The following ADAMTS19 variants were observed in gnomAD, a reference collection of about 807,000 sequenced individuals.
ADAMTS19 encodes ADAM metallopeptidase with thrombospondin type 1 motif 19, also known as A disintegrin and metalloproteinase with thrombospondin motifs 19.
A neutral mutation model predicts 153.3 loss-of-function variants in ADAMTS19; 93 were observed. That is an observed-to-expected ratio of 0.61 (90% confidence interval 0.51 to 0.72). ADAMTS19 has a LOEUF of 0.72. Among genes scored for constraint, ADAMTS19 ranks in the 30% least tolerant of loss-of-function variants. The pLI, the probability that ADAMTS19 is intolerant of heterozygous loss-of-function variation, is 0.00. For synonymous variants in ADAMTS19, 600 were observed against 556.6 expected, an observed-to-expected ratio of 1.08 and a Z score of -1.10; for missense variants, 1,482 against 1,552.1, an observed-to-expected ratio of 0.95 and a Z score of 0.76.
intron 15 of ADAMTS19, among the ~76,000 whole-genome samples, chr5:129,661,559 T>C (rs1388963884): frequency 1.3e-5 from 2 of 152,212 alleles, no homozygotes; most frequent in Non-Finnish European, 2.9e-5. Flanking sequence ...CAAACACACA[T>C]GGGTGTTTTC....
At chr5:129,484,940 C>T (rs957205557) in intron 2 of ADAMTS19, among the ~76,000 whole-genome samples, 1 of 152,108 alleles carries the variant, frequency 6.6e-6, no homozygotes, top group Non-Finnish European at 1.5e-5. Flanking sequence ...AATCTTTACT[C>T]ATCTCTCAGT....
chr5:129,737,120 A>G lies in ADAMTS19; in HGVS notation c.3544A>G (p.Ile1182Val), dbSNP rs939862002. ...TCAGTGGCCAGTGTACTGCCGAGTG[A>G]TACGTGAAAAGAACCTATGTCAGGA... ...GDQWPVYCRV[I>V]REKNLCQDMR... is the part of the protein sequence containing the mutation. The change falls in exon 23 of 23, where the codon ATA becomes GTA. Residue 1182 changes from isoleucine to valine, a missense_variant. By Grantham distance (29) the Ile-to-Val change is conservative (BLOSUM62 3). Coordinates refer to ENST00000274487, the MANE Select transcript of ADAMTS19 (RefSeq NM_133638.6). The G allele has an allele frequency of 1.4e-5, 23 of 1,610,918 alleles. No homozygotes were observed. The highest frequency in any genetic ancestry group is 1.9e-5 in the Non-Finnish European group (22 of 1,178,036).
At chr5:129,709,085 G>A (rs2127176353) in intron 21 of ADAMTS19, among the ~76,000 whole-genome samples, 1 of 152,174 alleles carries the variant, frequency 6.6e-6, no homozygotes, top group African/African-American at 2.4e-5. Context: ...ATGTTGTATT[G>A]AATAGGAGAG....
chr5:129,632,709 C>A (rs146280029), intron 10 of ADAMTS19, among the ~76,000 whole-genome samples: 3 of 151,970 alleles, frequency 2.0e-5, no homozygotes, highest in East Asian at 3.9e-4. Context: ...ATCTCAGAAA[C>A]CTTCCTCTAT....
Position 129,694,803 on chromosome 5 carries a change from A to G in ADAMTS19, c.2902A>G (p.Thr968Ala), listed in dbSNP as rs201362888. The G allele has an allele frequency of 2.4e-5, 38 of 1,607,212 alleles. No homozygotes were observed. The highest frequency in any genetic ancestry group is 3.1e-5 in the Non-Finnish European group (36 of 1,176,632). ...IVDNEKCKYL[T>A]KPEPQIRKCN... ...GGACAATGAGAAATGCAAATACTTA[A>G]CCAAGCCAGAGCCACAGATTCGAAA... Residue 968 changes from threonine to alanine, a missense_variant, in exon 19 of 23, where the codon ACC (threonine) becomes GCC (alanine). Physicochemically the swap from Thr to Ala is moderately conservative, Grantham distance 58. Transcript: ENST00000274487.
intron 18 of ADAMTS19, among the ~76,000 whole-genome samples, chr5:129,691,136 G>A (rs760815063): frequency 1.3e-4 from 20 of 152,058 alleles, no homozygotes; most frequent in South Asian, 2.1e-4. Context: ...TGGAAAAGGC[G>A]GCTCACTTAA....
intron 20 of ADAMTS19, among the ~76,000 whole-genome samples, chr5:129,702,934 AAAAAAAAATATATATATATAT>A (rs1561658603): frequency 1.6e-5 from 2 of 122,924 alleles, no homozygotes; most frequent in Admixed American, 8.2e-5. Flanking sequence ...CTTGCCAAAA[AAAAAAAAATATATATATATAT>A]ATATATATAT....
chr5:129,581,698 GTGT>G (rs2126886793), intron 7 of ADAMTS19, among the ~76,000 whole-genome samples: 1 of 152,178 alleles, frequency 6.6e-6, no homozygotes, highest in South Asian at 2.1e-4. Flanking sequence ...TGATGTTAGG[GTGT>G]TGTTGTTATA....
intron 7 of ADAMTS19, among the ~76,000 whole-genome samples, chr5:129,558,528 C>G (rs1753392171): frequency 1.3e-5 from 2 of 152,042 alleles, no homozygotes; most frequent in East Asian, 1.9e-4. Context: ...GAGATACACT[C>G]TACTCATGGT....
intron 21 of ADAMTS19, among the ~76,000 whole-genome samples, chr5:129,706,310 C>T (rs1365222278): frequency 6.6e-6 from 1 of 152,194 alleles, no homozygotes; most frequent in African/African-American, 2.4e-5. Flanking sequence ...TGGCTCACGC[C>T]TGTAATCCCA....
chr5:129,515,748 T>G (rs928323765), intron 3 of ADAMTS19, among the ~76,000 whole-genome samples: 6 of 152,056 alleles, frequency 3.9e-5, no homozygotes, highest in Non-Finnish European at 7.4e-5. Flanking sequence ...ATAATTTGAC[T>G]TCTTCCTTTC....
rs754594476 is a variant in ADAMTS19, at chr5:129,647,788, C to T, written c.1896C>T (p.Thr632=). 3 of 1,613,920 alleles carry T rather than the reference C, an allele frequency of 1.9e-6. No individual in the cohort carries two copies. In the South Asian group the frequency reaches 3.3e-5, roughly 18 times the overall value. The stretch of plus-strand genomic sequence containing the variant: ...AGTGGTGTAAGGCTGGAGAATGTAC[C>T]AGCAGGACCTCAGCACCTGAACATC... ...LGKWCKAGEC[T]SRTSAPEHLA... Residue 632 remains threonine (T), a synonymous_variant, in exon 12 of 23, where the codon ACC becomes ACT. Transcript: ENST00000274487.
intron 12 of ADAMTS19, among the ~76,000 whole-genome samples, chr5:129,648,251 G>A (rs1386463880): frequency 1.3e-5 from 2 of 152,136 alleles, no homozygotes; most frequent in South Asian, 2.1e-4. Context: ...ATTAATGACA[G>A]CAAAAGCTAA....
At chr5:129,509,459 A>T (rs1751365126) in intron 3 of ADAMTS19, among the ~76,000 whole-genome samples, 1 of 152,016 alleles carries the variant, frequency 6.6e-6, no homozygotes, top group African/African-American at 2.4e-5. Context: ...GACTTTAGAG[A>T]TGAACATATA....
At chr5:129,473,151 T>A (rs1462856664) in intron 2 of ADAMTS19, among the ~76,000 whole-genome samples, 1 of 151,568 alleles carries the variant, frequency 6.6e-6, no homozygotes, top group Non-Finnish European at 1.5e-5. Flanking sequence ...ATTCCAGGTA[T>A]TTGGATGTCA....
intron 14 of ADAMTS19, among the ~76,000 whole-genome samples, chr5:129,654,906 A>G (rs1361889048): frequency 1.3e-5 from 2 of 152,114 alleles, no homozygotes; most frequent in Admixed American, 6.5e-5. Context: ...TTTAATAAAC[A>G]TTTTATTTGC....
intron 2 of ADAMTS19, among the ~76,000 whole-genome samples, chr5:129,494,492 C>G (rs1354211980): frequency 6.6e-6 from 1 of 152,188 alleles, no homozygotes; most frequent in Non-Finnish European, 1.5e-5. Flanking sequence ...TCTACAGTCA[C>G]TTGGTAATCT....
At chr5:129,651,647 CAGTGTATGTCAGTTCCTCTAGGAAG>C (rs1753320685) in intron 13 of ADAMTS19, among the ~76,000 whole-genome samples, 1 of 152,128 alleles carries the variant, frequency 6.6e-6, no homozygotes, top group Non-Finnish European at 1.5e-5. Flanking sequence ...TTTTGGGGTT[CAGTGTATGTCAGTTCCTCTAGGAAG>C]AAAGAATCCC....
chr5:129,478,047 A>G (rs979059416), intron 2 of ADAMTS19, among the ~76,000 whole-genome samples: 1 of 152,196 alleles, frequency 6.6e-6, no homozygotes, highest in Non-Finnish European at 1.5e-5. Context: ...AATAATATAA[A>G]TGGTTATAAC....
Sources: allele counts gnomAD v4.1 joint callset (sites outside exome capture counted in the v4.1 genomes callset), GRCh38; gene constraint gnomAD v4.1.1; transcripts MANE v1.5; gene names NCBI Gene and HGNC (gene_info 2026-07-23, HGNC 2026-07-21).